Variants in CPEB4 observed in about 807,000 individuals in gnomAD.
CPEB4 encodes cytoplasmic polyadenylation element-binding protein 4.
In CPEB4, 12 loss-of-function variants were observed where a neutral mutation model predicts 72.5. The ratio of observed to expected loss-of-function variants is 0.17; its 90% CI spans 0.11 to 0.27. The LOEUF is 0.27. Among genes scored for constraint, CPEB4 ranks in the 10% least tolerant of loss-of-function variants. The pLI is 1.00. For synonymous variants in CPEB4, 302 were observed against 326.3 expected (o/e 0.93, Z 0.80); for missense variants, 614 against 908.5 (o/e 0.68, Z 4.17).
intron 2 of CPEB4, among the ~76,000 whole-genome samples, chr5:173,926,774 C>T (rs1364396452): frequency 6.6e-6 from 1 of 152,242 alleles, no homozygotes; most frequent in African/African-American, 2.4e-5. Flanking sequence ...AATAGGTTCA[C>T]ATGCTGAAAT....
At chr5:173,931,262 C>G (rs1228457512) in intron 2 of CPEB4, among the ~76,000 whole-genome samples, 4 of 152,180 alleles carry the variant, frequency 2.6e-5, no homozygotes, top group African/African-American at 7.2e-5. Context: ...TTTAGTGGAA[C>G]TAGCTAGAGT....
intron 2 of CPEB4, among the ~76,000 whole-genome samples, chr5:173,914,743 A>G (rs1445213635): frequency 1.3e-5 from 2 of 152,186 alleles, no homozygotes; most frequent in East Asian, 3.8e-4. Flanking sequence ...GCAACAGAAG[A>G]GAGAGACTCC....
chr5:173,926,165 A>G (rs1581141117), intron 2 of CPEB4, among the ~76,000 whole-genome samples: 1 of 152,216 alleles, frequency 6.6e-6, no homozygotes, highest in East Asian at 1.9e-4. Flanking sequence ...TTGAAATGGC[A>G]GCATTTATTT....
At chr5:173,899,103 T>C (rs780480170) in intron 1 of CPEB4, among the ~76,000 whole-genome samples, 5 of 152,212 alleles carry the variant, frequency 3.3e-5, no homozygotes, top group Non-Finnish European at 7.3e-5. Flanking sequence ...TTTTTCTCTC[T>C]TGGTAAAGCA....
intron 1 of CPEB4, among the ~76,000 whole-genome samples, chr5:173,897,474 A>G (rs1393147830): frequency 6.6e-6 from 1 of 152,200 alleles, no homozygotes. Context: ...AGCACCTACT[A>G]TGTTATGGAC....
At chr5:173,909,663 AG>A (rs1374946604) in intron 1 of CPEB4, among the ~76,000 whole-genome samples, 8 of 152,210 alleles carry the variant, frequency 5.3e-5, no homozygotes, top group Admixed American at 4.6e-4. Flanking sequence ...GATAATATAT[AG>A]AGATGAATAA....
At chr5:173,896,655 AAAAT>A (rs1756023952) in intron 1 of CPEB4, among the ~76,000 whole-genome samples, 1 of 152,220 alleles carries the variant, frequency 6.6e-6, no homozygotes, top group African/African-American at 2.4e-5. Context: ...AGCTGTTGTA[AAAAT>A]AAATAAAATG....
In CPEB4 at chr5:173,889,603, T is replaced by G; in HGVS notation, c.-131T>G. On this transcript the variant is annotated 5_prime_UTR_variant, in exon 1 of 10. Transcript: ENST00000265085. The stretch of plus-strand genomic sequence containing the variant: ...CAATTTAAGGTGATAAGCTGCGATC[T>G]TTGAGCTAGCTATAAATAAGACATT... 1 of 771,470 alleles carries G rather than the reference T, an allele frequency of 1.3e-6. No individual in the cohort carries two copies. The highest frequency in any genetic ancestry group is 2.1e-6 in the Non-Finnish European group (1 of 473,256). 47.8% of individuals were successfully genotyped at this position (771,470 alleles called of 1,614,324 possible).
intron 9 of CPEB4, among the ~76,000 whole-genome samples, chr5:173,953,678 G>T (rs1222847100): frequency 1.3e-5 from 2 of 151,490 alleles, no homozygotes; most frequent in Admixed American, 6.6e-5. Flanking sequence ...GGGACATAGG[G>T]AAGACCTCAG....
intron 1 of CPEB4, among the ~76,000 whole-genome samples, chr5:173,904,698 C>G (rs1756361997): frequency 8.4e-6 from 1 of 119,276 alleles, no homozygotes; most frequent in South Asian, 3.3e-4. Flanking sequence ...GGATCACTTA[C>G]TTGGTTTATA....
chr5:173,947,060 A>C (rs1205299778), intron 5 of CPEB4, among the ~76,000 whole-genome samples: 1 of 152,070 alleles, frequency 6.6e-6, no homozygotes, highest in Non-Finnish European at 1.5e-5. Flanking sequence ...GGGGAAGATG[A>C]AAACAGCTCT....
intron 1 of CPEB4, among the ~76,000 whole-genome samples, chr5:173,893,479 C>CT (rs147839258): frequency 1.4e-3 from 216 of 152,072 alleles, no homozygotes; most frequent in African/African-American, 5.2e-3. Flanking sequence ...AACTTAAACA[C>CT]TATTAATTTT....
At position 173,956,605 on chromosome 5, in the gene CPEB4, T is replaced by TTC. The variant is rs1317575263; in HGVS notation, c.*469_*470insCT. Reference sequence around the variant, plus strand: ...GAAGTGCTTTTGCCTTTTCCTTTCTTTTTTTTTTTTTTTTCATCTTTTTTG... The same window carrying TTC: ...GAAGTGCTTTTGCCTTTTCCTTTCTTTCTTTTTTTTTTTTTTCATCTTTTTTG... On this transcript the variant is annotated 3_prime_UTR_variant, in exon 10 of 10. Coordinates refer to ENST00000265085, the MANE Select transcript of CPEB4 (RefSeq NM_030627.4). 7.1e-6 allele frequency: 1 copy of TTC among 141,138 alleles called. No homozygotes were observed. The highest frequency in any genetic ancestry group is 1.6e-5 in the Non-Finnish European group (1 of 62,354). The allele number at this position is 141,138 out of a possible 1,614,324, so 8.7% of individuals were successfully genotyped here.
chr5:173,921,385 T>C (rs1757066577), intron 2 of CPEB4, among the ~76,000 whole-genome samples: 1 of 152,148 alleles, frequency 6.6e-6, no homozygotes, highest in Non-Finnish European at 1.5e-5. Context: ...GAATGCTCCT[T>C]GTTACAAAAA....
intron 4 of CPEB4, among the ~76,000 whole-genome samples, chr5:173,943,565 A>G (rs1012286612): frequency 2.6e-5 from 4 of 152,138 alleles, no homozygotes; most frequent in Non-Finnish European, 5.9e-5. Context: ...AAGCTCTAGA[A>G]ATTTTAGGTA....
intron 2 of CPEB4, among the ~76,000 whole-genome samples, chr5:173,917,334 A>G (rs1172168012): frequency 6.6e-6 from 1 of 152,228 alleles, no homozygotes; most frequent in Non-Finnish European, 1.5e-5. Flanking sequence ...CCTGTGGCAA[A>G]ATAAGAACAG....
intron 2 of CPEB4, among the ~76,000 whole-genome samples, chr5:173,911,479 G>A (rs1756657451): frequency 6.6e-6 from 1 of 151,924 alleles, no homozygotes; most frequent in African/African-American, 2.4e-5. Context: ...AGCCAGGATG[G>A]TCTCGATCTC....
chr5:173,923,782 A>C (rs1757151268), intron 2 of CPEB4, among the ~76,000 whole-genome samples: 1 of 152,154 alleles, frequency 6.6e-6, no homozygotes, highest in African/African-American at 2.4e-5. Flanking sequence ...GAGCTTAAAA[A>C]ATTGCCATTA....
chr5:173,913,112 G>T (rs1756726780), intron 2 of CPEB4, among the ~76,000 whole-genome samples: 1 of 151,584 alleles, frequency 6.6e-6, no homozygotes, highest in Non-Finnish European at 1.5e-5. Flanking sequence ...AACAGCAGTG[G>T]ATAGAAACAA....
Sources: allele counts gnomAD v4.1 joint callset (sites outside exome capture counted in the v4.1 genomes callset), GRCh38; gene constraint gnomAD v4.1.1; transcripts MANE v1.5; gene names NCBI Gene and HGNC (gene_info 2026-07-23, HGNC 2026-07-21).